The following LNPEP variants were observed in gnomAD, a reference collection of about 807,000 sequenced individuals.
LNPEP encodes leucyl and cystinyl aminopeptidase, also known as leucyl-cystinyl aminopeptidase.
Under a neutral mutation model 120.6 loss-of-function variants are expected in LNPEP, and 64 were observed. That is an observed-to-expected ratio of 0.53 (90% confidence interval 0.43 to 0.65). The LOEUF (loss-of-function observed/expected upper bound fraction) is 0.65, where lower values mean the gene tolerates loss of function less well. Ranked by LOEUF, LNPEP falls within the 30% of genes least tolerant of loss-of-function variation. The pLI is 0.00. For synonymous variants in LNPEP, 435 were observed against 425.4 expected, an observed-to-expected ratio of 1.02 and a Z score of -0.28; for missense variants, 1,057 against 1,200.0, an observed-to-expected ratio of 0.88 and a Z score of 1.76.
chr5:97,013,797 GC>G lies in LNPEP; in HGVS notation c.2187del (p.Asn730ThrfsTer12). On this transcript the variant is annotated frameshift_variant, in exon 12 of 18. Transcript: ENST00000231368. LOFTEE classifies it high-confidence loss of function. ...TTATGTTCTGAGTGACAAAGACCGA[GC>G]CAACCTTATCAACAACATCTTTGAA... ...NPYVLSDKDR[A>X]NLINNIFELA... is the part of the protein sequence containing the mutation. 1 of 1,606,046 alleles carries G rather than the reference GC, an allele frequency of 6.2e-7. No individual in the cohort carries two copies. The highest frequency in any genetic ancestry group is 8.5e-7 in the Non-Finnish European group (1 of 1,177,282).
chr5:96,981,213 T>A (rs1790115645), intron 2 of LNPEP, among the ~76,000 whole-genome samples: 1 of 152,078 alleles, frequency 6.6e-6, no homozygotes, highest in African/African-American at 2.4e-5. Flanking sequence ...CTAATAGAAC[T>A]AAGCAAAATT....
intron 14 of LNPEP, 61 bp from the exon 15 acceptor site, chr5:97,024,460 C>T: frequency 6.6e-7 from 1 of 1,504,120 alleles, no homozygotes; most frequent in Non-Finnish European, 9.1e-7. Context: ...ACAGCCAACT[C>T]TTCGCCTTTG....
intron 2 of LNPEP, among the ~76,000 whole-genome samples, chr5:96,980,491 G>A (rs3797798): frequency 0.012 from 1,864 of 152,084 alleles, 44 homozygotes; most frequent in East Asian, 0.071. Flanking sequence ...TGGATTTCTG[G>A]TGTAAATTTT....
chr5:96,948,804 T>G (rs1789253153), intron 1 of LNPEP, among the ~76,000 whole-genome samples: 1 of 152,206 alleles, frequency 6.6e-6, no homozygotes, highest in African/African-American at 2.4e-5. Flanking sequence ...CTTTTTTTCT[T>G]TTTTTCCATT....
intron 5 of LNPEP, 38 bp downstream of exon 5, chr5:96,993,173 T>A: frequency 7.0e-7 from 1 of 1,418,444 alleles, no homozygotes; most frequent in East Asian, 2.4e-5. Context: ...TTGTTATAAT[T>A]AGAACCTAGA....
intron 1 of LNPEP, among the ~76,000 whole-genome samples, chr5:96,961,473 G>A (rs908784957): frequency 2.6e-5 from 4 of 151,990 alleles, no homozygotes; most frequent in Non-Finnish European, 5.9e-5. Context: ...TTTTATAAAT[G>A]TAATAGGATT....
intron 17 of LNPEP, 81 bp from the exon 18 acceptor site, chr5:97,028,321 A>G (rs1194036363): frequency 7.6e-7 from 1 of 1,314,316 alleles, no homozygotes; most frequent in Non-Finnish European, 1.1e-6. Flanking sequence ...TCACTAAGTT[A>G]AAGCTTATTT....
chr5:97,007,023 G>A (rs1790804903), intron 11 of LNPEP, among the ~76,000 whole-genome samples: 2 of 151,982 alleles, frequency 1.3e-5, no homozygotes, highest in Admixed American at 6.6e-5. Flanking sequence ...GAAGGGGGAG[G>A]GGAATAGTAA....
chr5:96,993,345 GCT>G (rs1790437089), intron 5 of LNPEP, among the ~76,000 whole-genome samples: 2 of 152,106 alleles, frequency 1.3e-5, no homozygotes, highest in Non-Finnish European at 2.9e-5. Context: ...AGTTTATAGG[GCT>G]GCTAAAAAGG....
At chr5:96,941,478 A>G (rs1789054985) in intron 1 of LNPEP, among the ~76,000 whole-genome samples, 1 of 152,040 alleles carries the variant, frequency 6.6e-6, no homozygotes, top group African/African-American at 2.4e-5. Context: ...TTATTTATTT[A>G]TTATTATTTT....
At chr5:97,011,724 A>G (rs1790933207) in intron 11 of LNPEP, among the ~76,000 whole-genome samples, 1 of 152,252 alleles carries the variant, frequency 6.6e-6, no homozygotes, top group African/African-American at 2.4e-5. Context: ...TGAAAAAGGA[A>G]TAAACCTTAT....
At chr5:96,988,637 G>A (rs1048121436) in intron 4 of LNPEP, among the ~76,000 whole-genome samples, 1 of 151,778 alleles carries the variant, frequency 6.6e-6, no homozygotes, top group South Asian at 2.1e-4. Flanking sequence ...TAGTGACAGG[G>A]TCTCACTCTG....
chr5:96,998,059 T>G lies in LNPEP; in HGVS notation c.1567T>G (p.Ser523Ala). The change falls in exon 8 of 18, where the codon TCC becomes GCC. Residue 523 changes from serine (S) to alanine (A), a missense_variant. Transcript: ENST00000231368. ...TCGATTTAAAACCATGAAGAAAGATTCCTTAAATTCATCTCATCCAATATC... is the reference window on the plus strand; with the variant it reads ...TCGATTTAAAACCATGAAGAAAGATGCCTTAAATTCATCTCATCCAATATC... ...DARFKTMKKD[S>A]LNSSHPISSS... 6.3e-7 allele frequency: 1 copy of G among 1,581,326 alleles called. No individual in the cohort carries two copies. Among genetic ancestry groups the G allele is most frequent in the Non-Finnish European group, 8.7e-7 (1 of 1,155,508 alleles).
rs1249323166 is a variant in LNPEP, at chr5:97,036,738, G to A, written c.*8205G>A. On this transcript the variant is annotated 3_prime_UTR_variant, in exon 18 of 18. Transcript: ENST00000231368. ...ACTCCTAGAAAATTTGCAAAGAAAT[G>A]TTACATACTGTATATCAAACTCTCA... is the stretch of plus-strand genomic sequence containing the variant. The A allele has an allele frequency of 1.3e-5, 2 of 152,090 alleles. No homozygotes were observed. Among genetic ancestry groups the A allele is most frequent in the South Asian group, 2.1e-4 (1 of 4,832 alleles). 9.4% of individuals were successfully genotyped at this position (152,090 alleles called of 1,614,324 possible). A position where few individuals can be genotyped will look rare whatever the true frequency, so the allele number is the denominator to read the frequency against.
At chr5:96,985,754 T>C (rs1790226242) in intron 3 of LNPEP, among the ~76,000 whole-genome samples, 1 of 147,086 alleles carries the variant, frequency 6.8e-6, no homozygotes, top group Non-Finnish European at 1.5e-5. Flanking sequence ...GGGGGTCTTT[T>C]TTTGTTTTTT....
intron 11 of LNPEP, among the ~76,000 whole-genome samples, chr5:97,011,805 G>A (rs1162628984): frequency 6.6e-6 from 1 of 152,142 alleles, no homozygotes; most frequent in Non-Finnish European, 1.5e-5. Flanking sequence ...TTTTTAGTAA[G>A]AAAGACTGCT....
rs771563555 is a variant in LNPEP at position 96,985,173 on chromosome 5, G to A, written c.954G>A (p.Lys318=). The A allele has an allele frequency of 6.2e-7, 1 of 1,613,832 alleles. No homozygotes were observed. The highest frequency in any genetic ancestry group is 8.5e-7 in the Non-Finnish European group (1 of 1,179,800). Residue 318 remains lysine (K), a synonymous_variant, in exon 3 of 18, where the codon AAG becomes AAA. Coordinates refer to ENST00000231368, the MANE Select transcript of LNPEP (RefSeq NM_005575.3). ...EPAFKATFII[K]IIRDEQYTAL... is the part of the protein sequence containing the mutation. ...CATTTAAAGCCACTTTTATCATCAA[G>A]ATCATAAGGGATGAGCAATACACCG...
intron 1 of LNPEP, among the ~76,000 whole-genome samples, chr5:96,961,600 T>A (rs1212322458): frequency 6.6e-6 from 1 of 152,120 alleles, no homozygotes; most frequent in African/African-American, 2.4e-5. Context: ...CACTGTGCTG[T>A]ACGTTCATCC....
rs544423615 is a variant in LNPEP, at chr5:96,949,437, G to A, written c.19+13263G>A. ...AATCTAATGCCTGATGATCTGAGGT[G>A]TTACAGTTTCATCCCAAAACCATCA... On this transcript the variant is annotated intron_variant, in intron 1 of 17. Transcript: ENST00000231368. Among the ~76,000 whole-genome samples the A allele has an allele frequency of 2.0e-5, 3 of 152,300 alleles. No homozygotes were observed. The East Asian group carries it at 5.8e-4, about 29-fold the overall frequency.
Sources: gnomAD v4.1 joint callset for allele counts (sites outside exome capture counted in the v4.1 genomes callset) on GRCh38, gnomAD v4.1.1 for gene constraint, MANE v1.5 for transcripts, NCBI Gene and HGNC (gene_info 2026-07-23, HGNC 2026-07-21) for gene names.